FTO: variants seen among roughly 807,000 people sequenced by gnomAD.
FTO encodes FTO alpha-ketoglutarate dependent dioxygenase.
FTO carries 47 observed loss-of-function variants against 63.9 expected under a neutral mutation model. That is an observed-to-expected ratio of 0.74 (90% CI 0.58 to 0.94). The LOEUF (loss-of-function observed/expected upper bound fraction) is 0.94, where lower values mean the gene tolerates loss of function less well. FTO is among the 40% of genes least tolerant of loss of function. The pLI is 0.00. For missense variants in FTO, 562 were observed against 618.1 expected, an observed-to-expected ratio of 0.91 and a Z score of 0.96; for synonymous variants, 207 against 224.4, an observed-to-expected ratio of 0.92 and a Z score of 0.69.
intron 8 of FTO, chr16:53,979,561 G>T (rs1384428304): frequency 2.5e-6 from 1 of 395,132 alleles, no homozygotes; most frequent in Non-Finnish European, 4.5e-6. Context: ...GTGTGTGTGT[G>T]TGTGTGCGCG....
intron 1 of FTO, among the ~76,000 whole-genome samples, chr16:53,769,366 T>C (rs1397510381): frequency 6.6e-6 from 1 of 152,212 alleles, no homozygotes; most frequent in Non-Finnish European, 1.5e-5. Flanking sequence ...TTACTCATTG[T>C]TTAACTTTGG....
intron 8 of FTO, among the ~76,000 whole-genome samples, chr16:54,085,245 A>G (rs1245970263): frequency 3.3e-5 from 5 of 152,194 alleles, no homozygotes; most frequent in Non-Finnish European, 2.9e-5. Context: ...AGATTGCTAC[A>G]GGCATGACAA....
chr16:53,734,200 AGTG>A (rs1474026049), intron 1 of FTO, among the ~76,000 whole-genome samples: 3 of 152,162 alleles, frequency 2.0e-5, no homozygotes, highest in African/African-American at 7.2e-5. Flanking sequence ...ATAATTTGGG[AGTG>A]GTCAAGAAGC....
chr16:53,785,542 C>T (rs1021722000), intron 1 of FTO, among the ~76,000 whole-genome samples: 1 of 152,056 alleles, frequency 6.6e-6, no homozygotes, highest in Non-Finnish European at 1.5e-5. Context: ...GAGGAAACAT[C>T]ATTTGAAGGA....
chr16:53,982,926 AC>A (rs2083579653), intron 8 of FTO, among the ~76,000 whole-genome samples: 1 of 152,204 alleles, frequency 6.6e-6, no homozygotes, highest in South Asian at 2.1e-4. Context: ...TGCAAACACT[AC>A]CCAAGCGGGT....
intron 8 of FTO, chr16:53,994,128 A>C (rs1183174929): frequency 1.3e-5 from 2 of 152,146 alleles, no homozygotes; most frequent in Non-Finnish European, 2.9e-5. Context: ...ATTGACTCTC[A>C]ATTGCCAACT....
At chr16:53,772,185 C>T (rs2077355285) in intron 1 of FTO, among the ~76,000 whole-genome samples, 1 of 152,004 alleles carries the variant, frequency 6.6e-6, no homozygotes, top group South Asian at 2.1e-4. Flanking sequence ...TTCCCTGAAT[C>T]GTTTCTGACC....
chr16:53,851,370 A>G (rs933306704), intron 4 of FTO, among the ~76,000 whole-genome samples: 1 of 151,742 alleles, frequency 6.6e-6, no homozygotes, highest in Non-Finnish European at 1.5e-5. Context: ...GAGGCATGAT[A>G]ATCACTTGAA....
intron 8 of FTO, among the ~76,000 whole-genome samples, chr16:53,960,365 CCGTG>C (rs1429676178): frequency 5.9e-5 from 9 of 152,292 alleles, no homozygotes; most frequent in African/African-American, 2.2e-4. Context: ...AAAATGCCTG[CCGTG>C]CGTGGCACTG....
intron 8 of FTO, among the ~76,000 whole-genome samples, chr16:53,961,507 A>G (rs981079206): frequency 1.3e-5 from 2 of 152,240 alleles, no homozygotes; most frequent in African/African-American, 4.8e-5. Flanking sequence ...AATTGCAACA[A>G]GTATTAAATT....
intron 8 of FTO, among the ~76,000 whole-genome samples, chr16:53,994,976 C>T (rs544133678): frequency 2.0e-5 from 3 of 152,234 alleles, no homozygotes; most frequent in South Asian, 2.1e-4. Context: ...TCAAGTGATC[C>T]GCCCGTCTCG....
chr16:53,884,921 G>T (rs906606650), intron 6 of FTO, among the ~76,000 whole-genome samples: 1 of 152,168 alleles, frequency 6.6e-6, no homozygotes, highest in African/African-American at 2.4e-5. Flanking sequence ...GTCACCCGTG[G>T]AATGTTCCTT....
At chr16:53,768,296 G>A (rs1475676477) in intron 1 of FTO, among the ~76,000 whole-genome samples, 2 of 152,152 alleles carry the variant, frequency 1.3e-5, no homozygotes. Flanking sequence ...TGTCTTTTTG[G>A]TTAGCTGCCA....
intron 1 of FTO, among the ~76,000 whole-genome samples, chr16:53,805,513 T>C (rs1262840186): frequency 6.7e-6 from 1 of 149,772 alleles, no homozygotes. Context: ...AGTGGCGTGA[T>C]CTCGGCTCAC....
At position 54,021,730 on chromosome 16, in the gene FTO, CGCCT is replaced by C. The variant is rs1197013558; in HGVS notation, c.1364+87626_1364+87629del. On this transcript the variant is annotated intron_variant, in intron 8 of 8. Coordinates refer to ENST00000471389, the MANE Select transcript of FTO (RefSeq NM_001080432.3). ...GTCTCGAACTCCTGACCTCATGATC[CGCCT>C]GCCTTGGCCTCCCAAAGTGCCAAGA... Among the ~76,000 whole-genome samples, 4 of 152,188 alleles carry C rather than the reference CGCCT, an allele frequency of 2.6e-5. No homozygotes were observed. The East Asian group carries it at 7.8e-4, about 29-fold the overall frequency.
chr16:53,852,889 G>A (rs142426912), intron 4 of FTO, among the ~76,000 whole-genome samples: 12 of 152,062 alleles, frequency 7.9e-5, no homozygotes, highest in East Asian at 3.9e-4. Context: ...TAGATGTTTC[G>A]TCATGTGACT....
chr16:53,933,282 A>G (rs1445391896), intron 7 of FTO, among the ~76,000 whole-genome samples: 5 of 152,290 alleles, frequency 3.3e-5, no homozygotes, highest in Middle Eastern at 3.4e-3. Flanking sequence ...TGTAGTGGCA[A>G]TTTCATTCCT....
intron 8 of FTO, among the ~76,000 whole-genome samples, chr16:53,983,005 GT>G (rs1221140650): frequency 2.0e-5 from 3 of 152,126 alleles, no homozygotes; most frequent in African/African-American, 4.8e-5. Flanking sequence ...ATGGCTCCAA[GT>G]TTAAAGGTAT....
At chr16:54,025,593 C>T (rs1288192317) in intron 8 of FTO, among the ~76,000 whole-genome samples, 8 of 151,706 alleles carry the variant, frequency 5.3e-5, no homozygotes, top group African/African-American at 1.9e-4. Flanking sequence ...CTTGGTGACG[C>T]GTGCTTGTAA....
Sources: allele counts gnomAD v4.1 joint callset (sites outside exome capture counted in the v4.1 genomes callset), GRCh38; gene constraint gnomAD v4.1.1; transcripts MANE v1.5; gene names NCBI Gene and HGNC (gene_info 2026-07-23, HGNC 2026-07-21).